The following ADARB2 variants were observed in gnomAD, a reference collection of about 807,000 sequenced individuals.
ADARB2 encodes the protein inactive double-stranded RNA-specific editase B2.
A neutral mutation model predicts 62.2 loss-of-function variants in ADARB2; 25 were observed. That is an observed-to-expected ratio of 0.40 (90% CI 0.29 to 0.56). The LOEUF is 0.56. Among genes scored for constraint, ADARB2 ranks in the 20% least tolerant of loss-of-function variants. The pLI, the probability that ADARB2 is intolerant of heterozygous loss-of-function variation, is 0.43. For synonymous variants in ADARB2, 572 were observed against 500.8 expected (o/e 1.14, Z -1.90); for missense variants, 1,071 against 1,077.4 (o/e 0.99, Z 0.08).
rs144204734 is a variant in ADARB2, at chr10:1,403,657, C to T, written c.101-24497G>A. ...TGAGGGAGGGCACCGTGGCCCCGGG[C>T]GTAGCTGATCTGCAGACCCCCTAGC... On this transcript the variant is annotated intron_variant, in intron 1 of 9. Coordinates refer to ENST00000381312, the MANE Select transcript of ADARB2 (RefSeq NM_018702.4). Among the ~76,000 whole-genome samples, 19 of 152,268 alleles carry T rather than the reference C, an allele frequency of 1.2e-4. 1 individual carries two copies. Among genetic ancestry groups the T allele is most frequent in the Admixed American group, 4.6e-4 (7 of 15,306 alleles).
At chr10:1,651,697 G>A (rs1834112607) in intron 1 of ADARB2, among the ~76,000 whole-genome samples, 1 of 152,140 alleles carries the variant, frequency 6.6e-6, no homozygotes, top group Admixed American at 6.5e-5. Context: ...AATGAAGACA[G>A]CAGACAGCGA....
At position 1,187,227 on chromosome 10, in the gene ADARB2, G is replaced by T. The variant is rs191248750; in HGVS notation, c.1865-2188C>A. On this transcript the variant is annotated intron_variant, in intron 8 of 9. Coordinates refer to ENST00000381312, the MANE Select transcript of ADARB2 (RefSeq NM_018702.4). ...ATCTGGCCCGTTGGCCGCTGTGGCT[G>T]TCCTACTAGGCAGGGGCCGCCTGGG... Among the ~76,000 whole-genome samples, 269 of 152,382 alleles carry T rather than the reference G, an allele frequency of 1.8e-3. 1 individual carries two copies. The highest frequency in any genetic ancestry group is 5.4e-3 in the African/African-American group (225 of 41,586).
At chr10:1,185,662 A>G (rs952626797) in intron 8 of ADARB2, among the ~76,000 whole-genome samples, 1 of 152,222 alleles carries the variant, frequency 6.6e-6, no homozygotes, top group Non-Finnish European at 1.5e-5. Flanking sequence ...TCATGATGAC[A>G]GTGGGGCGTT....
At chr10:1,195,987 G>A (rs1356945912) in intron 8 of ADARB2, among the ~76,000 whole-genome samples, 4 of 152,154 alleles carry the variant, frequency 2.6e-5, no homozygotes, top group Admixed American at 6.5e-5. Context: ...TGAGAAGGGA[G>A]AGGAAGCCCG....
chr10:1,309,362 G>A (rs925892538), intron 3 of ADARB2, among the ~76,000 whole-genome samples: 1 of 152,150 alleles, frequency 6.6e-6, no homozygotes, highest in African/African-American at 2.4e-5. Flanking sequence ...TGCCGACTGT[G>A]GCCTTGTCAT....
At chr10:1,524,289 A>C (rs190122323) in intron 1 of ADARB2, among the ~76,000 whole-genome samples, 1 of 152,250 alleles carries the variant, frequency 6.6e-6, no homozygotes, top group Non-Finnish European at 1.5e-5. Flanking sequence ...TTTGATGCCT[A>C]TGGAATCACC....
At chr10:1,317,030 A>G (rs763152346) in intron 3 of ADARB2, among the ~76,000 whole-genome samples, 12 of 152,242 alleles carry the variant, frequency 7.9e-5, no homozygotes, top group Non-Finnish European at 1.8e-4. Context: ...CTCAGGCTGG[A>G]AGGAAAAATC....
At chr10:1,337,605 C>T (rs1166307891) in intron 3 of ADARB2, among the ~76,000 whole-genome samples, 2 of 152,086 alleles carry the variant, frequency 1.3e-5, no homozygotes, top group African/African-American at 4.8e-5. Flanking sequence ...CAGGTGCATG[C>T]GCCGGGGTTA....
At chr10:1,371,251 T>C (rs1240633506) in intron 2 of ADARB2, among the ~76,000 whole-genome samples, 2 of 152,324 alleles carry the variant, frequency 1.3e-5, no homozygotes, top group Admixed American at 6.5e-5. Flanking sequence ...TGCAGAAGAA[T>C]GAAACTGGAC....
Position 1,590,511 on chromosome 10 carries a change from C to T in ADARB2, c.100+146540G>A, listed in dbSNP as rs190564104. ...AGCAGTTCCCCCTCCTGCCCAGAGG[C>T]ATTTTCTCTGGACCTGGTTCCTCAT... On this transcript the variant is annotated intron_variant, in intron 1 of 9. Coordinates refer to ENST00000381312, the MANE Select transcript of ADARB2 (RefSeq NM_018702.4). Among the ~76,000 whole-genome samples, 201 of 152,290 alleles carry T rather than the reference C, an allele frequency of 1.3e-3. 1 individual carries two copies. Among genetic ancestry groups the T allele is most frequent in the African/African-American group, 4.7e-3 (196 of 41,560 alleles).
At chr10:1,459,837 C>T (rs182256848) in intron 1 of ADARB2, among the ~76,000 whole-genome samples, 11 of 152,212 alleles carry the variant, frequency 7.2e-5, no homozygotes, top group Admixed American at 2.0e-4. Context: ...AGGGTGGAGG[C>T]GGGAGGAGGG....
chr10:1,467,911 G>A (rs1465632684), intron 1 of ADARB2, among the ~76,000 whole-genome samples: 2 of 152,110 alleles, frequency 1.3e-5, no homozygotes, highest in Non-Finnish European at 1.5e-5. Flanking sequence ...TTGAGGACCC[G>A]TAATTTACTA....
intron 3 of ADARB2, among the ~76,000 whole-genome samples, chr10:1,319,169 G>C (rs1332807566): frequency 2.0e-5 from 3 of 152,326 alleles, no homozygotes; most frequent in Non-Finnish European, 4.4e-5. Flanking sequence ...CTTACACACA[G>C]AGATACAGCA....
intron 2 of ADARB2, among the ~76,000 whole-genome samples, chr10:1,377,345 G>GGT (rs1832442589): frequency 7.1e-6 from 1 of 140,780 alleles, no homozygotes; most frequent in Non-Finnish European, 1.5e-5. Flanking sequence ...GTGCTCCTGG[G>GGT]GTGTGTGTGT....
intron 1 of ADARB2, chr10:1,676,115 C>A: frequency 2.1e-5 from 20 of 966,552 alleles, no homozygotes; most frequent in Non-Finnish European, 2.5e-5. Context: ...CATATTAGGA[C>A]AAAATTGCCA....
intron 1 of ADARB2, among the ~76,000 whole-genome samples, chr10:1,497,070 T>A (rs1376160338): frequency 6.6e-6 from 1 of 152,202 alleles, no homozygotes; most frequent in Non-Finnish European, 1.5e-5. Flanking sequence ...TGTCACTGGC[T>A]TTTGAATCTC....
At chr10:1,494,310 C>T (rs1201164763) in intron 1 of ADARB2, among the ~76,000 whole-genome samples, 1 of 152,166 alleles carries the variant, frequency 6.6e-6, no homozygotes, top group East Asian at 1.9e-4. Flanking sequence ...GGTCAATCAA[C>T]TACTTTTGAT....
chr10:1,418,470 A>C (rs1025512076), intron 1 of ADARB2, among the ~76,000 whole-genome samples: 1 of 152,224 alleles, frequency 6.6e-6, no homozygotes, highest in Non-Finnish European at 1.5e-5. Context: ...GACGAGGCCC[A>C]AGGTACCAAG....
chr10:1,673,098 T>G (rs530421454), intron 1 of ADARB2, among the ~76,000 whole-genome samples: 1 of 152,282 alleles, frequency 6.6e-6, no homozygotes, highest in East Asian at 1.9e-4. Flanking sequence ...TTCCTTTTGG[T>G]GTAGCCTCTC....
Sources: gnomAD v4.1 joint callset for allele counts (sites outside exome capture counted in the v4.1 genomes callset) on GRCh38, gnomAD v4.1.1 for gene constraint, MANE v1.5 for transcripts, NCBI Gene and HGNC (gene_info 2026-07-23, HGNC 2026-07-21) for gene names.